Variants in ENO4 observed in about 807,000 individuals in gnomAD.
ENO4 encodes 2-phospho-D-glycerate hydro-lyase.
ENO4 carries 53 observed loss-of-function variants against 63.2 expected under a neutral mutation model. The observed-to-expected ratio is 0.84, with a 90% CI of 0.67 to 1.05. The LOEUF (loss-of-function observed/expected upper bound fraction) is 1.05. ENO4 is among the 50% of genes least tolerant of loss of function. ENO4 has a pLI of 0.00. For synonymous variants in ENO4, 266 were observed against 283.8 expected (o/e 0.94, Z 0.63); for missense variants, 719 against 772.0 (o/e 0.93, Z 0.81).
At chr10:116,861,514 A>G (rs1326388299) in intron 6 of ENO4, among the ~76,000 whole-genome samples, 1 of 152,186 alleles carries the variant, frequency 6.6e-6, no homozygotes, top group African/African-American at 2.4e-5. Context: ...ACTGTGCCCT[A>G]TGGCAGCAGC....
chr10:116,901,199 C>A (rs1452494716), intron 10 of ENO4: 17 of 985,270 alleles, frequency 1.7e-5, no homozygotes, highest in Admixed American at 1.2e-4. Context: ...TGATCCTCCA[C>A]TAGATCTGTC....
At chr10:116,886,341 G>A (rs529448536), downstream of ENO4, 2 of 1,552,702 alleles carry the variant, frequency 1.3e-6, no homozygotes, top group Admixed American at 3.9e-5. Flanking sequence ...TCTGGTTTAT[G>A]GATCAGCAGT....
rs1392252241 is a variant in ENO4, at chr10:116,871,202, A to C, written c.1125A>C (p.Leu375=). ...ACTCCATAGAACAGCCACTGCTTCT[A>C]ATACAGGAAATCTGTGCCAACCTGG... The part of the protein sequence containing the change: ...NCDSIEQPLL[L]IQEICANLGL... Residue 375 remains leucine (L), a synonymous_variant, in exon 9 of 14, where the codon CTA becomes CTC. Transcript: ENST00000341276. 6.4e-7 allele frequency: 1 copy of C among 1,550,516 alleles called. No individual in the cohort carries two copies. Among genetic ancestry groups the C allele is most frequent in the Admixed American group, 2.0e-5 (1 of 51,008 alleles).
rs1406653384 is a variant in ENO4, at chr10:116,879,738, A to G, written c.1606-131A>G. On this transcript the variant is annotated intron_variant, in intron 12 of 13. Coordinates refer to ENST00000341276, the MANE Select transcript of ENO4 (RefSeq NM_001242699.2). ...AGCTTGTAGGCCACTGTGCTTACAT[A>G]AAGATAAAAAACTAGTAAGAGAAAA... The G allele has an allele frequency of 1.1e-5, 8 of 714,946 alleles. No homozygotes were observed. The Admixed American group carries it at 2.1e-4, about 18-fold the overall frequency. The allele number at this position is 714,946 out of a possible 1,614,324, so 44.3% of individuals were successfully genotyped here. A position where few individuals can be genotyped will look rare whatever the true frequency, so the allele number is the denominator to read the frequency against.
downstream of ENO4, chr10:116,886,373 C>G: frequency 6.4e-7 from 1 of 1,557,356 alleles, no homozygotes; most frequent in African/African-American, 1.4e-5. Flanking sequence ...GTCTCTCTCA[C>G]GTTTTCAATG....
At chr10:116,859,180 G>A (rs1378357558) in intron 4 of ENO4, 42 bp downstream of exon 4, 6 of 1,426,384 alleles carry the variant, frequency 4.2e-6, no homozygotes, top group Non-Finnish European at 5.5e-6. Context: ...AGTAACAAAT[G>A]TGTGAGGAAG....
chr10:116,878,815 C>G (rs990481123), intron 11 of ENO4, among the ~76,000 whole-genome samples: 1 of 146,066 alleles, frequency 6.8e-6, no homozygotes, highest in African/African-American at 2.5e-5. Flanking sequence ...GCGATCTCAG[C>G]TCACTGCAAG....
In ENO4 at chr10:116,861,235, A is replaced by AT. The variant is rs1564846481; in HGVS notation, c.936+45_936+46insT. On this transcript the variant is annotated intron_variant, in intron 6 of 13. Coordinates refer to ENST00000341276, the MANE Select transcript of ENO4 (RefSeq NM_001242699.2). ...ATTACCTTTTCTAAAAAAAAAAAAA[A>AT]AATATATATATATATATATATACTC... 1,693 of 354,776 alleles carry AT rather than the reference A, an allele frequency of 4.8e-3. 9 individuals are homozygous for AT. The highest frequency in any genetic ancestry group is 0.016 in the East Asian group (193 of 11,972). 22.0% of individuals were successfully genotyped at this position (354,776 alleles called of 1,614,324 possible). A position where few individuals can be genotyped will look rare whatever the true frequency, so the allele number is the denominator to read the frequency against.
downstream of ENO4, among the ~76,000 whole-genome samples, chr10:116,912,320 A>G (rs1848230935): frequency 6.6e-6 from 1 of 152,210 alleles, no homozygotes; most frequent in South Asian, 2.1e-4. Context: ...GGAGGAGGTC[A>G]GCTTACAGGG....
In ENO4 at chr10:116,849,586, G is replaced by A; in HGVS notation, c.20G>A (p.Gly7Asp). ...CCTACCATGGAGGAAGAAGGCGGCG[G>A]CCGCAGCTGTGGGACCACTAGGGAG... The part of the protein sequence containing the change: MEEEGG[G>D]RSCGTTRELQ... Residue 7 changes from glycine (G) to aspartate (D), a missense_variant, in exon 1 of 14, where the codon GGC becomes GAC. Gly to Asp is a moderately conservative substitution (Grantham distance 94). Transcript: ENST00000341276. 6.5e-7 allele frequency: 1 copy of A among 1,545,270 alleles called. No homozygotes were observed. The highest frequency in any genetic ancestry group is 1.4e-5 in the African/African-American group (1 of 72,946).
At chr10:116,886,559 T>C (rs1275249967), downstream of ENO4, 1 of 1,614,066 alleles carries the variant, frequency 6.2e-7, no homozygotes, top group East Asian at 2.2e-5. Flanking sequence ...CCAATGCTAC[T>C]GGGAGGCCTA....
chr10:116,880,389 A>G (rs1846972620), intron 13 of ENO4, among the ~76,000 whole-genome samples: 1 of 152,222 alleles, frequency 6.6e-6, no homozygotes, highest in South Asian at 2.1e-4. Flanking sequence ...CAGCGTGTTA[A>G]TTTTAACATA....
chr10:116,911,448 T>G, intron 10 of ENO4: 1 of 1,545,710 alleles, frequency 6.5e-7, no homozygotes, highest in Non-Finnish European at 8.7e-7. Flanking sequence ...ATTATTCATC[T>G]ATTATATTTC....
intron 10 of ENO4, among the ~76,000 whole-genome samples, chr10:116,889,288 G>A (rs758922176): frequency 6.6e-6 from 1 of 152,176 alleles, no homozygotes; most frequent in Non-Finnish European, 1.5e-5. Context: ...ACCTAGTATT[G>A]TCAGGCTGAA....
chr10:116,899,737 C>T (rs1001629825), intron 10 of ENO4, among the ~76,000 whole-genome samples: 3 of 152,124 alleles, frequency 2.0e-5, no homozygotes, highest in African/African-American at 7.2e-5. Flanking sequence ...TTTTTAAAAG[C>T]AAAGGAAATA....
At chr10:116,899,871 T>C (rs1161308879) in intron 10 of ENO4, among the ~76,000 whole-genome samples, 2 of 152,218 alleles carry the variant, frequency 1.3e-5, no homozygotes. Flanking sequence ...GACACAGCAC[T>C]GAAAATAACC....
chr10:116,901,232 T>C, intron 10 of ENO4: 1 of 985,266 alleles, frequency 1.0e-6, no homozygotes, highest in Non-Finnish European at 1.2e-6. Context: ...AATAGCAGGA[T>C]TAACTCTTTG....
chr10:116,852,167 TGAA>T (rs1846108825), intron 1 of ENO4, among the ~76,000 whole-genome samples: 1 of 152,176 alleles, frequency 6.6e-6, no homozygotes, highest in Non-Finnish European at 1.5e-5. Flanking sequence ...CGCCCTCATG[TGAA>T]GAAGGATGTG....
At chr10:116,871,324 A>G (rs572824970) in intron 9 of ENO4, 32 bp downstream of exon 9, 2 of 1,504,368 alleles carry the variant, frequency 1.3e-6, no homozygotes, top group East Asian at 2.5e-5. Flanking sequence ...TTCACTTCCT[A>G]TTGAGATCCA....
Sources: allele counts gnomAD v4.1 joint callset (sites outside exome capture counted in the v4.1 genomes callset), GRCh38; gene constraint gnomAD v4.1.1; transcripts MANE v1.5; gene names NCBI Gene and HGNC (gene_info 2026-07-23, HGNC 2026-07-21).